The following CERKL variants were observed in gnomAD, a reference collection of about 807,000 sequenced individuals.
The protein encoded by CERKL is ceramide kinase-like protein.
Under a neutral mutation model 63.4 loss-of-function variants are expected in CERKL, and 61 were observed. The ratio of observed to expected loss-of-function variants is 0.96; its 90% CI spans 0.78 to 1.19. The LOEUF is 1.19. Ranked by LOEUF, CERKL falls within the 50% of genes most tolerant of loss-of-function variation. The probability of loss-of-function intolerance (pLI) is 0.00; values close to 1 mark genes in which losing one functional copy is unlikely to be tolerated. For missense variants in CERKL, 675 were observed against 655.5 expected (o/e 1.03, Z -0.33); for synonymous variants, 250 against 230.5 (o/e 1.08, Z -0.77).
At chr2:181,596,254 G>T (rs1398119641) in intron 2 of CERKL, among the ~76,000 whole-genome samples, 2 of 152,126 alleles carry the variant, frequency 1.3e-5, no homozygotes, top group African/African-American at 2.4e-5. Context: ...AATGACTAAA[G>T]CAGAAATATA....
intron 11 of CERKL, among the ~76,000 whole-genome samples, chr2:181,540,326 T>C (rs1687442651): frequency 6.6e-6 from 1 of 152,224 alleles, no homozygotes; most frequent in Admixed American, 6.5e-5. Context: ...TACATAATCA[T>C]TCATGTTAGT....
At chr2:181,655,429 C>T (rs1198844862) in intron 1 of CERKL, among the ~76,000 whole-genome samples, 1 of 152,218 alleles carries the variant, frequency 6.6e-6, no homozygotes, top group Non-Finnish European at 1.5e-5. Flanking sequence ...TTCTATATTG[C>T]ATAACTCGAA....
intron 1 of CERKL, among the ~76,000 whole-genome samples, chr2:181,624,897 G>A (rs2105922417): frequency 6.6e-6 from 1 of 152,288 alleles, no homozygotes; most frequent in South Asian, 2.1e-4. Context: ...AGTTTGAGAA[G>A]TTTATTAGAC....
chr2:181,596,188 A>G (rs982973306), intron 2 of CERKL, among the ~76,000 whole-genome samples: 1 of 152,250 alleles, frequency 6.6e-6, no homozygotes, highest in African/African-American at 2.4e-5. Flanking sequence ...GAAATATATC[A>G]GAAATAAGAT....
chr2:181,544,366 C>G (rs1177161308), intron 11 of CERKL, among the ~76,000 whole-genome samples: 1 of 152,188 alleles, frequency 6.6e-6, no homozygotes, highest in Non-Finnish European at 1.5e-5. Context: ...GCTAAACTCT[C>G]AAATTTCACT....
At chr2:181,585,467 C>T (rs911777409) in intron 2 of CERKL, among the ~76,000 whole-genome samples, 3 of 152,082 alleles carry the variant, frequency 2.0e-5, no homozygotes, top group African/African-American at 7.2e-5. Context: ...TCTAAAATTA[C>T]AACTATTTCT....
At chr2:181,588,828 CTGAT>C (rs1360928481) in intron 2 of CERKL, among the ~76,000 whole-genome samples, 1 of 152,152 alleles carries the variant, frequency 6.6e-6, no homozygotes, top group Non-Finnish European at 1.5e-5. Flanking sequence ...TTGCATTTCC[CTGAT>C]TGTTAGTGAT....
chr2:181,588,293 AT>A (rs1057287849), intron 2 of CERKL, among the ~76,000 whole-genome samples: 1 of 152,056 alleles, frequency 6.6e-6, no homozygotes, highest in African/African-American at 2.4e-5. Context: ...CTACCATTCT[AT>A]TCTACTTCCT....
At chr2:181,583,817 G>C (rs1363803506) in intron 2 of CERKL, among the ~76,000 whole-genome samples, 1 of 152,176 alleles carries the variant, frequency 6.6e-6, no homozygotes, top group African/African-American at 2.4e-5. Flanking sequence ...AATGTAATTA[G>C]TTAAATGAAT....
intron 2 of CERKL, among the ~76,000 whole-genome samples, 166 bp from the exon 3 acceptor site, chr2:181,574,050 A>G (rs1026413633): frequency 2.6e-5 from 4 of 152,196 alleles, no homozygotes; most frequent in African/African-American, 9.7e-5. Context: ...ACTTTATTTG[A>G]AAACATTTTC....
At chr2:181,596,968 AC>A (rs1685240591) in intron 2 of CERKL, among the ~76,000 whole-genome samples, 1 of 152,136 alleles carries the variant, frequency 6.6e-6, no homozygotes, top group Non-Finnish European at 1.5e-5. Context: ...TTTTAATAGC[AC>A]CCTATTTATA....
At chr2:181,644,642 T>C (rs370035597) in intron 1 of CERKL, among the ~76,000 whole-genome samples, 2 of 152,032 alleles carry the variant, frequency 1.3e-5, no homozygotes, top group African/African-American at 2.4e-5. Context: ...ACTCTTACGA[T>C]AGAAATCCTG....
intron 1 of CERKL, among the ~76,000 whole-genome samples, chr2:181,644,703 GA>G (rs1400686647): frequency 6.6e-5 from 10 of 152,062 alleles, no homozygotes; most frequent in South Asian, 2.1e-4. Flanking sequence ...TATAATGGGG[GA>G]AAAAAACAAT....
chr2:181,610,773 C>T (rs1313969184), intron 1 of CERKL, among the ~76,000 whole-genome samples: 1 of 152,082 alleles, frequency 6.6e-6, no homozygotes, highest in East Asian at 1.9e-4. Flanking sequence ...CTAATTTTTT[C>T]TTATGAAGCT....
At chr2:181,626,488 A>G (rs1327355289) in intron 1 of CERKL, among the ~76,000 whole-genome samples, 1 of 152,208 alleles carries the variant, frequency 6.6e-6, no homozygotes, top group African/African-American at 2.4e-5. Context: ...CAGGTGGGTC[A>G]ACCACAGCTC....
intron 1 of CERKL, among the ~76,000 whole-genome samples, chr2:181,651,411 G>A (rs1687932533): frequency 6.6e-6 from 1 of 152,106 alleles, no homozygotes; most frequent in African/African-American, 2.4e-5. Flanking sequence ...CATTAACAAA[G>A]ACAAAAACTG....
chr2:181,602,112 A>G (rs1223963039), intron 2 of CERKL, among the ~76,000 whole-genome samples: 2 of 152,200 alleles, frequency 1.3e-5, no homozygotes, highest in East Asian at 1.9e-4. Flanking sequence ...CTCTACTCCT[A>G]TAAAATTGCT....
intron 1 of CERKL, among the ~76,000 whole-genome samples, chr2:181,629,573 T>A (rs1574515814): frequency 6.6e-6 from 1 of 151,426 alleles, no homozygotes; most frequent in African/African-American, 2.4e-5. Flanking sequence ...GAAATAAACA[T>A]GTAATAAATG....
At chr2:181,556,657 G>A (rs1574445419) in intron 5 of CERKL, among the ~76,000 whole-genome samples, 2 of 152,104 alleles carry the variant, frequency 1.3e-5, no homozygotes, top group South Asian at 4.1e-4. Flanking sequence ...TGGACATTTA[G>A]GTTGGTTCCA....
Sources: gnomAD v4.1 joint callset for allele counts (sites outside exome capture counted in the v4.1 genomes callset) on GRCh38, gnomAD v4.1.1 for gene constraint, MANE v1.5 for transcripts, NCBI Gene and HGNC (gene_info 2026-07-23, HGNC 2026-07-21) for gene names.